The following TGS1 variants were observed in gnomAD, a reference collection of about 807,000 sequenced individuals.
The protein encoded by TGS1 is trimethylguanosine synthase 1.
In TGS1, 69 loss-of-function variants were observed where a neutral mutation model predicts 92.2. The observed-to-expected ratio is 0.75, with a 90% CI of 0.62 to 0.91. The LOEUF is 0.91. TGS1 is among the 40% of genes least tolerant of loss of function. TGS1 has a pLI of 0.00. For synonymous variants in TGS1, 345 were observed against 338.1 expected, an observed-to-expected ratio of 1.02 and a Z score of -0.22; for missense variants, 1,062 against 1,001.2, an observed-to-expected ratio of 1.06 and a Z score of -0.82.
intron 1 of TGS1, among the ~76,000 whole-genome samples, chr8:55,775,871 GA>G (rs1563447325): frequency 6.6e-6 from 1 of 152,108 alleles, no homozygotes. Flanking sequence ...GATTAACTAG[GA>G]AACAGACAAG....
chr8:55,791,808 T>C (rs1173743124), intron 5 of TGS1, among the ~76,000 whole-genome samples: 1 of 152,162 alleles, frequency 6.6e-6, no homozygotes, highest in Non-Finnish European at 1.5e-5. Flanking sequence ...TTCTTGAAGG[T>C]TTATACACTT....
chr8:55,781,427 G>A (rs1811559256), intron 1 of TGS1, among the ~76,000 whole-genome samples: 1 of 149,792 alleles, frequency 6.7e-6, no homozygotes, highest in African/African-American at 2.5e-5. Context: ...AAGTAAATAA[G>A]TAACCTTCAA....
At position 55,773,555 on chromosome 8, in the gene TGS1, C is replaced by A; in HGVS notation, c.-64C>A. ...AGGCCTGTTTTAAGTCTCCAGTAAC[C>A]GAGCGGAGGCCCGGCAGGCGCGACC... On this transcript the variant is annotated 5_prime_UTR_variant, in exon 1 of 13. Coordinates refer to ENST00000260129, the MANE Select transcript of TGS1 (RefSeq NM_024831.8). 1.5e-6 allele frequency: 2 copies of A among 1,321,026 alleles called. No individual in the cohort carries two copies. The highest frequency in any genetic ancestry group is 2.1e-6 in the Non-Finnish European group (2 of 935,614). The allele number at this position is 1,321,026 out of a possible 1,614,324, so 81.8% of individuals were successfully genotyped here.
intron 1 of TGS1, among the ~76,000 whole-genome samples, chr8:55,776,525 C>T (rs1353347036): frequency 3.3e-5 from 5 of 152,096 alleles, no homozygotes; most frequent in African/African-American, 4.8e-5. Flanking sequence ...CTGATCCACC[C>T]GCCTTGGCCT....
chr8:55,814,762 C>T (rs1012806968), intron 12 of TGS1, among the ~76,000 whole-genome samples: 2 of 148,244 alleles, frequency 1.3e-5, no homozygotes, highest in African/African-American at 5.0e-5. Flanking sequence ...CCCAGCTACT[C>T]GGGAGGCAGA....
intron 12 of TGS1, among the ~76,000 whole-genome samples, chr8:55,816,855 A>ATTTTTTTTTTTTTT (rs1466419978): frequency 6.6e-6 from 1 of 150,978 alleles, no homozygotes; most frequent in Non-Finnish European, 1.5e-5. Context: ...ATTCATCTCT[A>ATTTTTTTTTTTTTT]TTTTATTTAT....
At chr8:55,822,106 G>C (rs550491450) in intron 12 of TGS1, among the ~76,000 whole-genome samples, 1 of 147,102 alleles carries the variant, frequency 6.8e-6, no homozygotes, top group Non-Finnish European at 1.5e-5. Flanking sequence ...GTCTCACTCT[G>C]TCGCCCAGGC....
intron 10 of TGS1, among the ~76,000 whole-genome samples, chr8:55,807,996 C>T (rs1428969619): frequency 1.3e-5 from 2 of 152,156 alleles, no homozygotes; most frequent in African/African-American, 2.4e-5. Flanking sequence ...TTGGAAAGCA[C>T]GTAGTAGCTG....
chr8:55,800,795 C>A (rs994557107), intron 8 of TGS1, among the ~76,000 whole-genome samples: 1 of 152,156 alleles, frequency 6.6e-6, no homozygotes, highest in African/African-American at 2.4e-5. Flanking sequence ...TTACTATTTA[C>A]AATGATCAGA....
chr8:55,805,132 ATAAT>A lies in TGS1; in HGVS notation c.2143+101_2143+104del, dbSNP rs1474257995. 6.1e-6 allele frequency: 5 copies of A among 815,752 alleles called. No homozygotes were observed. The African/African-American group carries it at 7.1e-5, about 12-fold the overall frequency. 50.5% of individuals were successfully genotyped at this position (815,752 alleles called of 1,614,324 possible). On this transcript the variant is annotated intron_variant, in intron 10 of 12. Transcript: ENST00000260129. Reference sequence around the variant, plus strand: ...AGCCTATCTTACTGAGATTTAATATATAATTAATAATTTAATATGAAATGATATA... The same window carrying A: ...AGCCTATCTTACTGAGATTTAATATATAATAATTTAATATGAAATGATATA...
Position 55,811,094 on chromosome 8 carries a change from A to T in TGS1, c.2357A>T (p.Asp786Val). 1.4e-6 allele frequency: 2 copies of T among 1,419,638 alleles called. No individual in the cohort carries two copies. The highest frequency in any genetic ancestry group is 1.9e-6 in the Non-Finnish European group (2 of 1,057,162). 87.9% of individuals were successfully genotyped at this position (1,419,638 alleles called of 1,614,324 possible). A position where few individuals can be genotyped will look rare whatever the true frequency, so the allele number is the denominator to read the frequency against. ...GACATTAGAACAATGATGTCTCCTG[A>T]TGGATATCCTTTGGAAGTCTTAAGA... The part of the protein sequence containing the change: ...TFDIRTMMSP[D>V]GFEIFRLSKK... Residue 786 changes from aspartate (D) to valine (V), a missense_variant, in exon 11 of 13, where the codon GAT becomes GTT. Physicochemically the swap from Asp to Val is radical, Grantham distance 152. Transcript: ENST00000260129.
At chr8:55,779,722 C>G (rs1019600495) in intron 1 of TGS1, among the ~76,000 whole-genome samples, 1 of 152,084 alleles carries the variant, frequency 6.6e-6, no homozygotes. Flanking sequence ...CAACTCACAC[C>G]TCTAGAAAAT....
intron 9 of TGS1, among the ~76,000 whole-genome samples, 166 bp downstream of exon 9, chr8:55,802,772 G>A (rs1812255512): frequency 6.6e-6 from 1 of 152,132 alleles, no homozygotes; most frequent in Admixed American, 6.5e-5. Flanking sequence ...ATGTATGTGT[G>A]TGTATCTTTT....
intron 4 of TGS1, among the ~76,000 whole-genome samples, chr8:55,789,537 G>A (rs1232996338): frequency 5.3e-5 from 8 of 152,020 alleles, no homozygotes; most frequent in African/African-American, 1.5e-4. Context: ...GTTTTAGTTT[G>A]TTGTGTTTTT....
At chr8:55,775,792 G>T (rs1811378941) in intron 1 of TGS1, among the ~76,000 whole-genome samples, 1 of 149,866 alleles carries the variant, frequency 6.7e-6, no homozygotes, top group Admixed American at 6.8e-5. Context: ...TTGAACCCAT[G>T]AATGAAGGGT....
At chr8:55,808,820 T>C (rs1359903588) in intron 10 of TGS1, among the ~76,000 whole-genome samples, 2 of 152,006 alleles carry the variant, frequency 1.3e-5, no homozygotes, top group Non-Finnish European at 2.9e-5. Flanking sequence ...TGTAGTGGGG[T>C]CCCATAATTT....
At chr8:55,783,310 T>G (rs1811621119) in intron 2 of TGS1, among the ~76,000 whole-genome samples, 1 of 152,132 alleles carries the variant, frequency 6.6e-6, no homozygotes, top group Admixed American at 6.5e-5. Flanking sequence ...TCCCAGCTAC[T>G]CAGGAGGCTG....
chr8:55,788,391 T>G (rs963934024), intron 4 of TGS1, among the ~76,000 whole-genome samples: 1 of 152,104 alleles, frequency 6.6e-6, no homozygotes, highest in Non-Finnish European at 1.5e-5. Flanking sequence ...TAGATTCTTA[T>G]AAGTGGAGCC....
chr8:55,779,914 GC>G (rs1811516223), intron 1 of TGS1, among the ~76,000 whole-genome samples: 1 of 143,454 alleles, frequency 7.0e-6, no homozygotes, highest in African/African-American at 2.6e-5. Flanking sequence ...TTGCTCTGTC[GC>G]CCAGGCTGGA....
Sources: gnomAD v4.1 joint callset for allele counts (sites outside exome capture counted in the v4.1 genomes callset) on GRCh38, gnomAD v4.1.1 for gene constraint, MANE v1.5 for transcripts, NCBI Gene and HGNC (gene_info 2026-07-23, HGNC 2026-07-21) for gene names.